Variants in CDH4 observed in about 807,000 individuals in gnomAD.
The protein encoded by CDH4 is cadherin-4.
A neutral mutation model predicts 86.0 loss-of-function variants in CDH4; 33 were observed. The observed-to-expected ratio is 0.38, with a 90% CI of 0.29 to 0.51. CDH4 has a LOEUF of 0.51. Ranked by LOEUF, CDH4 falls within the 20% of genes least tolerant of loss-of-function variation. CDH4 has a pLI of 0.86. For missense variants in CDH4, 1,114 were observed against 1,307.4 expected (o/e 0.85, Z 2.28); for synonymous variants, 555 against 549.4 (o/e 1.01, Z -0.14).
intron 2 of CDH4, among the ~76,000 whole-genome samples, chr20:61,585,996 G>GATC (rs1568698639): frequency 7.6e-5 from 4 of 52,970 alleles, no homozygotes; most frequent in African/African-American, 2.2e-4. Context: ...TGGTGATGAT[G>GATC]ATGATGGTGA....
At chr20:61,442,262 G>T (rs2085318326) in intron 2 of CDH4, among the ~76,000 whole-genome samples, 1 of 152,182 alleles carries the variant, frequency 6.6e-6, no homozygotes, top group Non-Finnish European at 1.5e-5. Context: ...AGCAGTGTGT[G>T]TCCGAGGAAG....
intron 4 of CDH4, among the ~76,000 whole-genome samples, chr20:61,818,025 TTTTTC>T (rs879905048): frequency 2.5e-4 from 38 of 152,156 alleles, no homozygotes; most frequent in Middle Eastern, 6.8e-3. Context: ...TTCTTTTTTT[TTTTTC>T]TTTTCTTTTC....
chr20:61,672,952 C>T (rs1007956455), intron 2 of CDH4, among the ~76,000 whole-genome samples: 1 of 151,928 alleles, frequency 6.6e-6, no homozygotes, highest in South Asian at 2.1e-4. Flanking sequence ...TCACTAGTGT[C>T]CATAGAAGAA....
Position 61,258,342 on chromosome 20 carries a change from A to AAAAAAAG in CDH4, c.169+3408_169+3409insAAAGAAA, listed in dbSNP as rs1187544267. Among the ~76,000 whole-genome samples the AAAAAAAG allele has an allele frequency of 3.7e-4, 44 of 120,050 alleles. 2 individuals carry two copies. Among genetic ancestry groups the AAAAAAAG allele is most frequent in the South Asian group, 3.0e-3 (13 of 4,264 alleles). 78.8% of individuals were successfully genotyped at this position (120,050 alleles called of 152,430 possible). A position where few individuals can be genotyped will look rare whatever the true frequency, so the allele number is the denominator to read the frequency against. On this transcript the variant is annotated intron_variant, in intron 2 of 15. Coordinates refer to ENST00000614565, the MANE Select transcript of CDH4 (RefSeq NM_001794.5). ...GAGACTCCGTCTCAAAAAAAAAAAA[A>AAAAAAAG]AAAGAAAAAAAAAAAAGAAAGAGGA...
chr20:61,370,598 T>C (rs2084834862), intron 2 of CDH4: 1 of 152,240 alleles, frequency 6.6e-6, no homozygotes, highest in Non-Finnish European at 1.5e-5. Flanking sequence ...GGAAGGGCTT[T>C]TGACATGCCT....
intron 7 of CDH4, among the ~76,000 whole-genome samples, chr20:61,885,207 C>T (rs4925308): frequency 0.095 from 14,444 of 152,206 alleles, 1,257 homozygotes; most frequent in East Asian, 0.52. Flanking sequence ...TACGCTTCAG[C>T]GGGGTTCAGT....
intron 2 of CDH4, among the ~76,000 whole-genome samples, chr20:61,351,968 C>T (rs1179810150): frequency 1.3e-5 from 2 of 152,228 alleles, no homozygotes; most frequent in East Asian, 3.9e-4. Flanking sequence ...CCACCCACCT[C>T]GGCCTCCCAA....
At chr20:61,447,196 A>G (rs2085355603) in intron 2 of CDH4, among the ~76,000 whole-genome samples, 1 of 151,892 alleles carries the variant, frequency 6.6e-6, no homozygotes, top group Non-Finnish European at 1.5e-5. Context: ...TCACTCTGTC[A>G]CTCAGGCTGG....
intron 2 of CDH4, among the ~76,000 whole-genome samples, chr20:61,337,410 C>T (rs748411747): frequency 1.8e-4 from 11 of 59,470 alleles, no homozygotes; most frequent in East Asian, 5.4e-4. Flanking sequence ...ATGGAGATCA[C>T]GCTACTGCTG....
chr20:61,536,662 C>A (rs2085999685), intron 2 of CDH4, among the ~76,000 whole-genome samples: 1 of 152,224 alleles, frequency 6.6e-6, no homozygotes, highest in Admixed American at 6.5e-5. Context: ...GCGTGTCTGA[C>A]CGCAGCATTA....
chr20:61,492,199 T>G (rs577787927), intron 2 of CDH4, among the ~76,000 whole-genome samples: 17 of 151,884 alleles, frequency 1.1e-4, no homozygotes, highest in African/African-American at 4.1e-4. Flanking sequence ...GTTGATATTG[T>G]TGATATTGGT....
Position 61,374,699 on chromosome 20 carries a change from G to A in CDH4, c.169+119762G>A, listed in dbSNP as rs757751923. 3.6e-4 allele frequency among the ~76,000 whole-genome samples: 55 copies of A among 152,130 alleles called. 1 individual carries two copies. Among genetic ancestry groups the A allele is most frequent in the Admixed American group, 2.7e-3 (42 of 15,280 alleles). ...TCGGTTTGGGCCTTGAGTGGAGTTCGGACATGCCTCCAGGGCTCTCTAGAA... is the reference window on the plus strand; with the variant it reads ...TCGGTTTGGGCCTTGAGTGGAGTTCAGACATGCCTCCAGGGCTCTCTAGAA... On this transcript the variant is annotated intron_variant, in intron 2 of 15. Coordinates refer to ENST00000614565, the MANE Select transcript of CDH4 (RefSeq NM_001794.5).
intron 7 of CDH4, among the ~76,000 whole-genome samples, chr20:61,881,336 G>A (rs1303766907): frequency 2.0e-5 from 3 of 152,244 alleles, no homozygotes; most frequent in African/African-American, 4.8e-5. Flanking sequence ...CATTCCAGCG[G>A]TGGCATTTCG....
chr20:61,851,848 G>A (rs551261133), intron 5 of CDH4, among the ~76,000 whole-genome samples: 230 of 152,286 alleles, frequency 1.5e-3, no homozygotes, highest in African/African-American at 4.1e-3. Context: ...TCTCTTCCCG[G>A]TGTCCATTGT....
In CDH4 at chr20:61,907,611, G is replaced by T. The variant is rs527635902; in HGVS notation, c.1189-2811G>T. ...GCGCCAGCTCCTTGTCCTGCTGGGG[G>T]ACGATCTGACTCCTGGGCGGCTCAA... On this transcript the variant is annotated intron_variant, in intron 8 of 15. Transcript: ENST00000614565. Among the ~76,000 whole-genome samples, 7 of 152,310 alleles carry T rather than the reference G, an allele frequency of 4.6e-5. 1 individual carries two copies. The highest frequency in any genetic ancestry group is 1.7e-4 in the African/African-American group (7 of 41,576).
intron 4 of CDH4, among the ~76,000 whole-genome samples, chr20:61,831,957 C>T (rs867007711): frequency 1.4e-4 from 22 of 152,356 alleles, no homozygotes; most frequent in Non-Finnish European, 2.4e-4. Flanking sequence ...TGGGCAGGAG[C>T]GGCTGGAGCC....
intron 9 of CDH4, among the ~76,000 whole-genome samples, chr20:61,912,714 G>A (rs761081244): frequency 2.0e-5 from 3 of 152,290 alleles, no homozygotes; most frequent in South Asian, 4.1e-4. Context: ...CAAAATACAC[G>A]TTTCACTTCC....
chr20:61,732,734 C>A (rs574081984), intron 2 of CDH4, among the ~76,000 whole-genome samples: 66 of 152,356 alleles, frequency 4.3e-4, no homozygotes, highest in African/African-American at 1.6e-3. Flanking sequence ...TCGGTGTGCA[C>A]CGCTCGTCCC....
chr20:61,376,335 G>A (rs557522152), intron 2 of CDH4, among the ~76,000 whole-genome samples: 2 of 152,228 alleles, frequency 1.3e-5, no homozygotes, highest in South Asian at 4.2e-4. Flanking sequence ...GGATGTGAGT[G>A]TTGTTGGGAA....
Sources: gnomAD v4.1 joint callset for allele counts (sites outside exome capture counted in the v4.1 genomes callset) on GRCh38, gnomAD v4.1.1 for gene constraint, MANE v1.5 for transcripts, NCBI Gene and HGNC (gene_info 2026-07-23, HGNC 2026-07-21) for gene names.